Variants in SNX19 observed in about 807,000 individuals in gnomAD.
The protein encoded by SNX19 is sorting nexin-19.
SNX19 carries 60 observed loss-of-function variants against 85.2 expected under a neutral mutation model. That is an observed-to-expected ratio of 0.70 (90% CI 0.57 to 0.87). SNX19 has a LOEUF of 0.87. SNX19 is among the 40% of genes least tolerant of loss of function. The pLI is 0.00. For missense variants in SNX19, 1,201 were observed against 1,217.8 expected (o/e 0.99, Z 0.21); for synonymous variants, 520 against 470.0 (o/e 1.11, Z -1.38).
chr11:130,907,826 C>G (rs998959147), intron 5 of SNX19, 127 bp downstream of exon 5: 1 of 1,433,542 alleles, frequency 7.0e-7, no homozygotes. Context: ...CTAGCTTTGC[C>G]TAAAAACTGG....
chr11:130,903,014 A>G (rs1049257951), intron 8 of SNX19: 4 of 437,376 alleles, frequency 9.1e-6, no homozygotes, highest in African/African-American at 6.1e-5. Context: ...AGGATCACAC[A>G]CAGTGTCTGC....
intron 8 of SNX19, among the ~76,000 whole-genome samples, chr11:130,899,502 G>C (rs1310214853): frequency 6.6e-6 from 1 of 152,178 alleles, no homozygotes; most frequent in Admixed American, 6.5e-5. Context: ...GATTTGTAGG[G>C]ATACATGAAT....
At chr11:130,903,090 A>G in intron 8 of SNX19, 165 bp downstream of exon 8, 2 of 906,432 alleles carry the variant, frequency 2.2e-6, no homozygotes, top group Non-Finnish European at 1.6e-6. Context: ...AAGGTAGTCA[A>G]TAAAAGCTTT....
intron 8 of SNX19, among the ~76,000 whole-genome samples, chr11:130,899,780 T>C (rs1299600070): frequency 6.6e-6 from 1 of 152,228 alleles, no homozygotes; most frequent in Non-Finnish European, 1.5e-5. Flanking sequence ...TTTTCAAAAG[T>C]AACTAGCCGC....
At chr11:130,913,555 T>G (rs1348029243) in intron 1 of SNX19, among the ~76,000 whole-genome samples, 1 of 152,140 alleles carries the variant, frequency 6.6e-6, no homozygotes, top group Non-Finnish European at 1.5e-5. Context: ...AGGCTGTCCC[T>G]GGTGGTAGCT....
intron 8 of SNX19, among the ~76,000 whole-genome samples, chr11:130,886,046 A>T (rs1254216623): frequency 1.3e-5 from 2 of 152,166 alleles, no homozygotes; most frequent in Non-Finnish European, 2.9e-5. Flanking sequence ...GTCTCCAAAC[A>T]TTGCGGCATG....
Position 130,910,040 on chromosome 11 carries a change from A to G in SNX19, c.2012T>C (p.Phe671Ser). ...TACCTTGTCTATTCTAGAGACCATA[A>G]ATGGTTTCTTGACAAAGGCAATACG... ...DARIAFVKKP[F>S]MVSRIDKMVV... Residue 671 changes from phenylalanine (F) to serine (S), a missense_variant, in exon 4 of 11, where the codon TTT becomes TCT. This residue lies in a region of SNX19 where 125 missense variants were observed against 171.6 expected (regional missense o/e 0.73). Coordinates refer to ENST00000265909, the MANE Select transcript of SNX19 (RefSeq NM_014758.3). The G allele has an allele frequency of 6.2e-7, 1 of 1,613,814 alleles. No homozygotes were observed. Among genetic ancestry groups the G allele is most frequent in the South Asian group, 1.1e-5 (1 of 91,048 alleles).
At chr11:130,893,166 G>A (rs1944615727) in intron 8 of SNX19, 1 of 152,356 alleles carries the variant, frequency 6.6e-6, no homozygotes, top group Admixed American at 6.5e-5. Flanking sequence ...CAGGAAAGGA[G>A]GATGGGAAGG....
Position 130,876,803 on chromosome 11 carries a change from T to C in SNX19, c.*1619A>G, listed in dbSNP as rs1943280829. Reference sequence around the variant, plus strand: ...TAGGGCTGGAGATGCTTCAAGAACTTTGGAGCCATAAAGTCACTGTAATGG... The same window carrying C: ...TAGGGCTGGAGATGCTTCAAGAACTCTGGAGCCATAAAGTCACTGTAATGG... On this transcript the variant is annotated 3_prime_UTR_variant, in exon 11 of 11. Transcript: ENST00000265909. 1 of 152,572 alleles carries C rather than the reference T, an allele frequency of 6.6e-6. No homozygotes were observed. Among genetic ancestry groups the C allele is most frequent in the Admixed American group, 6.5e-5 (1 of 15,288 alleles). The allele number at this position is 152,572 out of a possible 1,614,324, so 9.5% of individuals were successfully genotyped here.
rs1375751366 is a variant in SNX19 at position 130,872,458 on chromosome 11, T to TC, written c.*5963_*5964insG. Among the ~76,000 whole-genome samples, 1 of 150,460 alleles carries TC rather than the reference T, an allele frequency of 6.6e-6. No homozygotes were observed. Among genetic ancestry groups the TC allele is most frequent in the East Asian group, 1.9e-4 (1 of 5,154 alleles). ...ATTAAAACATTCTTCTGGATTTCCT[T>TC]TTTTTTTTTCTCTCTTAAACCAGTC... On this transcript the variant is annotated 3_prime_UTR_variant, in exon 11 of 11. Coordinates refer to ENST00000265909, the MANE Select transcript of SNX19 (RefSeq NM_014758.3).
Position 130,878,279 on chromosome 11 carries a change from C to G in SNX19, c.*143G>C. ...CCCCTGTCACCTGCTACAAATGGAGCAGAAGTGGGAGAGAAGTGAGCCACC... is the reference window on the plus strand; with the variant it reads ...CCCCTGTCACCTGCTACAAATGGAGGAGAAGTGGGAGAGAAGTGAGCCACC... On this transcript the variant is annotated 3_prime_UTR_variant, in exon 11 of 11. Coordinates refer to ENST00000265909, the MANE Select transcript of SNX19 (RefSeq NM_014758.3). 1.2e-6 allele frequency: 1 copy of G among 852,362 alleles called. No individual in the cohort carries two copies. Among genetic ancestry groups the G allele is most frequent in the Non-Finnish European group, 1.8e-6 (1 of 562,880 alleles). The allele number at this position is 852,362 out of a possible 1,614,324, so 52.8% of individuals were successfully genotyped here. A position where few individuals can be genotyped will look rare whatever the true frequency, so the allele number is the denominator to read the frequency against.
intron 6 of SNX19, 36 bp downstream of exon 6, chr11:130,906,589 A>G: frequency 7.0e-7 from 1 of 1,437,150 alleles, no homozygotes; most frequent in Non-Finnish European, 9.8e-7. Flanking sequence ...CATCTCAGAT[A>G]TTTTTGCCTC....
At chr11:130,905,383 C>T (rs530103790) in intron 7 of SNX19, among the ~76,000 whole-genome samples, 1 of 152,264 alleles carries the variant, frequency 6.6e-6, no homozygotes, top group Admixed American at 6.5e-5. Context: ...GAACACGTTA[C>T]ATTTCAGTTG....
rs79748305 is a variant in SNX19, at chr11:130,890,577, T to C, written c.2574-9771A>G. Among the ~76,000 whole-genome samples the C allele has an allele frequency of 2.2e-3, 335 of 152,360 alleles. 8 individuals are homozygous for C. The East Asian group carries it at 0.051, about 23-fold the overall frequency. On this transcript the variant is annotated intron_variant, in intron 8 of 10. Transcript: ENST00000265909. ...TCTTCACTGTTATCATCAGCCATTA[T>C]TCTTGCATATCATATATTCCTAATC...
Position 130,877,357 on chromosome 11 carries a change from G to C in SNX19, c.*1065C>G, listed in dbSNP as rs1943317722. The C allele has an allele frequency of 6.6e-6, 1 of 152,220 alleles. No individual in the cohort carries two copies. The highest frequency in any genetic ancestry group is 2.4e-5 in the African/African-American group (1 of 41,456). 9.4% of individuals were successfully genotyped at this position (152,220 alleles called of 1,614,324 possible). A position where few individuals can be genotyped will look rare whatever the true frequency, so the allele number is the denominator to read the frequency against. On this transcript the variant is annotated 3_prime_UTR_variant, in exon 11 of 11. Transcript: ENST00000265909. ...AAAACACCTTTGCCTTCATGCTGGT[G>C]TTGTTAAAGGACTGATTATAACCGT...
chr11:130,905,341 T>C (rs1478499485), intron 7 of SNX19, among the ~76,000 whole-genome samples: 1 of 120,436 alleles, frequency 8.3e-6, no homozygotes, highest in East Asian at 2.5e-4. Context: ...ATAAAAAGAA[T>C]AGATCTGGGG....
At position 130,870,304 on chromosome 11, in the gene SNX19, C is replaced by T. The variant is rs1416161989; in HGVS notation, c.*8118G>A. 6.6e-6 allele frequency: 1 copy of T among 152,258 alleles called. No homozygotes were observed. The highest frequency in any genetic ancestry group is 1.5e-5 in the Non-Finnish European group (1 of 68,066). 9.4% of individuals were successfully genotyped at this position (152,258 alleles called of 1,614,324 possible). ...AAGACCGCAGGTATTCCCGCCGCATCCACATATGCACACTTACTTCCCTTG... is the reference window on the plus strand; with the variant it reads ...AAGACCGCAGGTATTCCCGCCGCATTCACATATGCACACTTACTTCCCTTG... On this transcript the variant is annotated 3_prime_UTR_variant, in exon 11 of 11. Coordinates refer to ENST00000265909, the MANE Select transcript of SNX19 (RefSeq NM_014758.3).
rs1462306920 is a variant in SNX19, at chr11:130,872,483, C to T, written c.*5939G>A. Among the ~76,000 whole-genome samples, 1 of 151,572 alleles carries T rather than the reference C, an allele frequency of 6.6e-6. No homozygotes were observed. Among genetic ancestry groups the T allele is most frequent in the Non-Finnish European group, 1.5e-5 (1 of 67,926 alleles). ...TTTTTTTTTTCTCTCTTAAACCAGT[C>T]AATGTTGTCTTTGTGTAATAAGAAA... On this transcript the variant is annotated 3_prime_UTR_variant, in exon 11 of 11. Coordinates refer to ENST00000265909, the MANE Select transcript of SNX19 (RefSeq NM_014758.3).
chr11:130,913,919 G>T (rs1299441713), intron 1 of SNX19, among the ~76,000 whole-genome samples: 1 of 57,960 alleles, frequency 1.7e-5, no homozygotes. Flanking sequence ...ACAGAATCCA[G>T]GGACCCCCTC....
Sources: allele counts gnomAD v4.1 joint callset (sites outside exome capture counted in the v4.1 genomes callset), GRCh38; gene constraint gnomAD v4.1.1; regional missense constraint gnomAD v4.1.1; transcripts MANE v1.5; gene names NCBI Gene and HGNC (gene_info 2026-07-23, HGNC 2026-07-21).